Variants in KRT79 observed in about 807,000 individuals in gnomAD.
KRT79 encodes keratin 79, also known as keratin, type II cytoskeletal 79.
In KRT79, 51 loss-of-function variants were observed where a neutral mutation model predicts 49.0. The observed-to-expected ratio is 1.04, with a 90% CI of 0.83 to 1.31. The LOEUF (loss-of-function observed/expected upper bound fraction) is 1.31. Among genes scored for constraint, KRT79 ranks in the 40% most tolerant of loss-of-function variants. The pLI, the probability that KRT79 is intolerant of heterozygous loss-of-function variation, is 0.00. For missense variants in KRT79, 728 were observed against 688.0 expected (o/e 1.06, Z -0.65); for synonymous variants, 312 against 286.6 (o/e 1.09, Z -0.90).
intron 1 of KRT79, 73 bp downstream of exon 1, chr12:52,833,711 G>C (rs1181596029): frequency 8.0e-7 from 1 of 1,243,388 alleles, no homozygotes; most frequent in Non-Finnish European, 1.2e-6. Context: ...CAGCAGCCCT[G>C]GCCCAGCCCA....
intron 5 of KRT79, 50 bp downstream of exon 5, chr12:52,824,148 A>C: frequency 6.2e-7 from 1 of 1,613,346 alleles, no homozygotes; most frequent in African/African-American, 1.3e-5. Context: ...TCACGATGGG[A>C]GATCTGATCC....
At chr12:52,831,731 G>T (rs1221181500) in intron 1 of KRT79, 105 bp from the exon 2 acceptor site, 16 of 874,942 alleles carry the variant, frequency 1.8e-5, no homozygotes, top group Non-Finnish European at 2.5e-5. Context: ...GCAACATAGG[G>T]ACGCTGCAGC....
In KRT79 at chr12:52,832,443, G is replaced by A. The variant is rs74094213; in HGVS notation, c.478-817C>T. On this transcript the variant is annotated intron_variant, in intron 1 of 8. Transcript: ENST00000330553. ...CTATAGACTCAGAAGGAGGCTTACG[G>A]TGTGGGTTTAACAGGACCCCCGAGA... Among the ~76,000 whole-genome samples, 1,436 of 151,536 alleles carry A rather than the reference G, an allele frequency of 9.5e-3. 16 individuals are homozygous for A. Among genetic ancestry groups the A allele is most frequent in the African/African-American group, 0.033 (1,351 of 41,304 alleles).
chr12:52,830,153 C>T, intron 3 of KRT79, 35 bp from the exon 4 acceptor site: 1 of 1,612,386 alleles, frequency 6.2e-7, no homozygotes, highest in African/African-American at 1.3e-5. Flanking sequence ...TCCTCAGGCC[C>T]CAGGGATGTC....
chr12:52,824,804 A>G (rs1320441833), intron 4 of KRT79, among the ~76,000 whole-genome samples: 2 of 152,114 alleles, frequency 1.3e-5, no homozygotes, highest in East Asian at 1.9e-4. Context: ...CAAGTCACCA[A>G]CTGCACCACC....
chr12:52,827,817 G>A lies in KRT79; in HGVS notation c.855+2206C>T, dbSNP rs1220385967. Among the ~76,000 whole-genome samples the A allele has an allele frequency of 2.0e-5, 3 of 152,200 alleles. No homozygotes were observed. In the East Asian group the frequency reaches 5.8e-4, roughly 29 times the overall value. On this transcript the variant is annotated intron_variant, in intron 4 of 8. Transcript: ENST00000330553. ...AACAAACTGGTCATCAAAGTGGAAA[G>A]CACAAGAAATATGCTTGAGAGGAAA... is the stretch of plus-strand genomic sequence containing the variant.
At chr12:52,829,890 C>CA (rs373235927) in intron 4 of KRT79, 133 bp downstream of exon 4, 6,831 of 610,260 alleles carry the variant, frequency 0.011, 104 homozygotes, top group African/African-American at 0.067. Flanking sequence ...AACTCCGTCT[C>CA]AAAAAAAAAA....
intron 5 of KRT79, 81 bp downstream of exon 5, chr12:52,824,117 G>T: frequency 6.2e-7 from 1 of 1,611,886 alleles, no homozygotes; most frequent in Non-Finnish European, 8.5e-7. Context: ...GGACTCCAAG[G>T]GTCCCAGAGG....
chr12:52,828,471 C>T (rs182035195), intron 4 of KRT79, among the ~76,000 whole-genome samples: 177 of 152,296 alleles, frequency 1.2e-3, no homozygotes, highest in Admixed American at 3.3e-3. Context: ...TTTATCCCAC[C>T]TGCAGATAAC....
At chr12:52,830,689 T>C (rs781450582) in intron 2 of KRT79, among the ~76,000 whole-genome samples, 4 of 152,202 alleles carry the variant, frequency 2.6e-5, no homozygotes, top group Non-Finnish European at 5.9e-5. Context: ...GATTTTAAGG[T>C]TTAGAAATTG....
At chr12:52,825,123 G>A (rs1454620503) in intron 4 of KRT79, among the ~76,000 whole-genome samples, 1 of 152,206 alleles carries the variant, frequency 6.6e-6, no homozygotes, top group Non-Finnish European at 1.5e-5. Flanking sequence ...CGCTGGGCCA[G>A]GACTGTGATG....
At chr12:52,829,150 C>T (rs774101221) in intron 4 of KRT79, among the ~76,000 whole-genome samples, 2 of 152,110 alleles carry the variant, frequency 1.3e-5, no homozygotes, top group Non-Finnish European at 2.9e-5. Flanking sequence ...TCTTGAGGTC[C>T]CTGCGGACCC....
rs755271063 is a variant in KRT79, at chr12:52,821,852, G to A, written c.*20C>T. ...GGAGGGCAGGGACAGGATTGCAGGG[G>A]CCCTTGCAGGGCTCAGCAGCTAATA... On this transcript the variant is annotated 3_prime_UTR_variant, in exon 9 of 9. Transcript: ENST00000330553. 3.1e-6 allele frequency: 5 copies of A among 1,608,876 alleles called. No homozygotes were observed. In the African/African-American group the frequency reaches 4.0e-5, roughly 13 times the overall value.
At chr12:52,831,192 A>G (rs1940248502) in intron 2 of KRT79, among the ~76,000 whole-genome samples, 1 of 152,198 alleles carries the variant, frequency 6.6e-6, no homozygotes, top group African/African-American at 2.4e-5. Flanking sequence ...TCATTATACT[A>G]TTCCCCCTAC....
chr12:52,822,292 G>A (rs1417680208), intron 8 of KRT79, 53 bp downstream of exon 8: 2 of 1,576,652 alleles, frequency 1.3e-6, no homozygotes, highest in Middle Eastern at 1.7e-4. Context: ...AAACTGAGCA[G>A]AGTTCTGGGG....
chr12:52,831,459 C>G lies in KRT79; in HGVS notation c.645G>C (p.Arg215Ser). ...GCACGTTCCTGAGCTCTGAGTCCAG[C>G]CTCCCCCGCTCGCTCTGAAGTCTGT... ...TLDRLQSERG[R>S]LDSELRNVQD... The change falls in exon 2 of 9, where the codon AGG becomes AGC. Residue 215 changes from arginine (R) to serine (S), a missense_variant. Physicochemically the swap from Arg to Ser is moderately radical, Grantham distance 110. Coordinates refer to ENST00000330553, the MANE Select transcript of KRT79 (RefSeq NM_175834.3). 1.9e-6 allele frequency: 3 copies of G among 1,614,216 alleles called. No individual in the cohort carries two copies. The highest frequency in any genetic ancestry group is 2.5e-6 in the Non-Finnish European group (3 of 1,180,034).
intron 4 of KRT79, among the ~76,000 whole-genome samples, chr12:52,827,194 G>A (rs1003762270): frequency 4.0e-5 from 6 of 150,522 alleles, no homozygotes; most frequent in African/African-American, 7.4e-5. Context: ...CACCTCCCTC[G>A]AAGGCTTCCG....
chr12:52,831,453 G>A lies in KRT79; in HGVS notation c.651C>T (p.Asp217=), dbSNP rs745721162. ...GGTCCTGCACGTTCCTGAGCTCTGA[G>A]TCCAGCCTCCCCCGCTCGCTCTGAA... ...DRLQSERGRL[D]SELRNVQDLV... is the part of the protein sequence containing the mutation. The change falls in exon 2 of 9, where the codon GAC becomes GAT. Residue 217 remains aspartate (D), a synonymous_variant. Transcript: ENST00000330553. 9 of 1,614,196 alleles carry A rather than the reference G, an allele frequency of 5.6e-6. No homozygotes were observed. The highest frequency in any genetic ancestry group is 2.7e-5 in the African/African-American group (2 of 75,056).
chr12:52,833,736 TC>T (rs1176158107), intron 1 of KRT79, 47 bp downstream of exon 1: 2 of 1,477,540 alleles, frequency 1.4e-6, no homozygotes, highest in South Asian at 2.3e-5. Flanking sequence ...CTATTAGAGG[TC>T]CCGCTTCTTC....
Sources: allele counts gnomAD v4.1 joint callset (sites outside exome capture counted in the v4.1 genomes callset), GRCh38; gene constraint gnomAD v4.1.1; transcripts MANE v1.5; gene names NCBI Gene and HGNC (gene_info 2026-07-23, HGNC 2026-07-21).